The following GREB1 variants were observed in gnomAD, a reference collection of about 807,000 sequenced individuals.
The protein encoded by GREB1 is growth regulating estrogen receptor binding 1, also known as protein GREB1.
A neutral mutation model predicts 200.7 loss-of-function variants in GREB1; 106 were observed. The ratio of observed to expected loss-of-function variants is 0.53; its 90% CI spans 0.45 to 0.62. GREB1 has a LOEUF of 0.62. Ranked by LOEUF, GREB1 falls within the 20% of genes least tolerant of loss-of-function variation. GREB1 has a pLI of 0.00. For missense variants in GREB1, 2,243 were observed against 2,556.8 expected (o/e 0.88, Z 2.65); for synonymous variants, 1,132 against 1,092.4 (o/e 1.04, Z -0.72).
intron 8 of GREB1, 119 bp from the exon 9 acceptor site, chr2:11,585,643 C>T (rs1680004416): frequency 3.8e-6 from 4 of 1,055,424 alleles, no homozygotes; most frequent in Non-Finnish European, 2.8e-6. Flanking sequence ...GAGTTTGGTG[C>T]TCCTGTAATC....
chr2:11,625,370 G>A (rs2148394513), intron 24 of GREB1, 58 bp downstream of exon 24: 1 of 1,526,998 alleles, frequency 6.5e-7, no homozygotes, highest in South Asian at 1.1e-5. Context: ...GCCTCTTAAA[G>A]GGATGAGCTG....
rs896510029 is a variant in GREB1, at chr2:11,629,580, A to G, written c.4450-368A>G. 1.3e-5 allele frequency among the ~76,000 whole-genome samples: 2 copies of G among 152,230 alleles called. No individual in the cohort carries two copies. Among genetic ancestry groups the G allele is most frequent in the South Asian group, 4.1e-4 (2 of 4,836 alleles). ...GCATGTAACTGTGATGGAGAAATACATTTATTAGAATTAAAAATGAGCTCT... is the reference window on the plus strand; with the variant it reads ...GCATGTAACTGTGATGGAGAAATACGTTTATTAGAATTAAAAATGAGCTCT... On this transcript the variant is annotated intron_variant, in intron 25 of 32. Transcript: ENST00000381486. The surrounding 1 kb of genome is among the most constrained non-coding windows in gnomAD (Gnocchi z 5.2).
rs928350123 is a variant in GREB1 at position 11,603,161 on chromosome 2, A to G, written c.2666+619A>G. ...ACCCTGTCGCAACAGACCTCATTTT[A>G]TAGATGAAATTGAGGCTCAGACAGG... On this transcript the variant is annotated intron_variant, in intron 17 of 32. Transcript: ENST00000381486. 1.2e-4 allele frequency among the ~76,000 whole-genome samples: 19 copies of G among 152,342 alleles called. No homozygotes were observed. The East Asian group carries it at 1.3e-3, about 11-fold the overall frequency.
chr2:11,592,480 T>C (rs1014048966), intron 10 of GREB1, among the ~76,000 whole-genome samples: 1 of 152,162 alleles, frequency 6.6e-6, no homozygotes, highest in Non-Finnish European at 1.5e-5. Flanking sequence ...ACTATGTTTC[T>C]GGATTGTCAA....
intron 1 of GREB1, among the ~76,000 whole-genome samples, chr2:11,504,083 C>T (rs1673116195): frequency 6.6e-6 from 1 of 152,148 alleles, no homozygotes; most frequent in Non-Finnish European, 1.5e-5. Context: ...TGGTTTCTCT[C>T]CTTCTGTCTC....
intron 1 of GREB1, among the ~76,000 whole-genome samples, chr2:11,495,113 C>G (rs1309800162): frequency 6.6e-6 from 1 of 152,182 alleles, no homozygotes; most frequent in Non-Finnish European, 1.5e-5. Flanking sequence ...CCTGTTACAT[C>G]GTCTGCTTAT....
intron 21 of GREB1, among the ~76,000 whole-genome samples, chr2:11,617,697 G>A (rs1683543345): frequency 6.6e-6 from 1 of 152,310 alleles, no homozygotes; most frequent in East Asian, 1.9e-4. Flanking sequence ...GGGGACGGGT[G>A]TGTGCGGTGG....
chr2:11,521,448 GGAT>G (rs1673701630), intron 1 of GREB1, among the ~76,000 whole-genome samples: 1 of 152,050 alleles, frequency 6.6e-6, no homozygotes, highest in South Asian at 2.1e-4. Context: ...TGATATTCAA[GGAT>G]ATTAAAAAAA....
chr2:11,630,877 C>G (rs184983292), intron 26 of GREB1, among the ~76,000 whole-genome samples: 2 of 152,320 alleles, frequency 1.3e-5, no homozygotes, highest in South Asian at 2.1e-4. Flanking sequence ...TAACCAGCCC[C>G]GCTCAAGGCA....
rs377181735 is a variant in GREB1, at chr2:11,587,694, AACACACACAC to A, written c.1160-1013_1160-1004del. 3.5e-3 allele frequency: 2,506 copies of A among 706,256 alleles called. 8 individuals are homozygous for A. Among genetic ancestry groups the A allele is most frequent in the African/African-American group, 6.7e-3 (262 of 38,924 alleles). 43.7% of individuals were successfully genotyped at this position (706,256 alleles called of 1,614,324 possible). A position where few individuals can be genotyped will look rare whatever the true frequency, so the allele number is the denominator to read the frequency against. ...AAATGGAGTACCTGGAGTACAAGAT[AACACACACAC>A]ACACACACACACACACACACACACA... On this transcript the variant is annotated intron_variant, in intron 9 of 32. Transcript: ENST00000381486.
At chr2:11,626,003 G>A (rs1191085145) in intron 24 of GREB1, among the ~76,000 whole-genome samples, 6 of 152,178 alleles carry the variant, frequency 3.9e-5, no homozygotes, top group South Asian at 2.1e-4. Context: ...ATTGCATCTC[G>A]TGAAAATTAT....
intron 1 of GREB1, among the ~76,000 whole-genome samples, chr2:11,535,936 TG>T (rs1004741586): frequency 2.6e-5 from 4 of 152,014 alleles, no homozygotes; most frequent in Admixed American, 6.6e-5. Context: ...CCCTGTAAAA[TG>T]CAAACACTAC....
Position 11,617,014 on chromosome 2 carries a change from G to A in GREB1, c.3412+294G>A, listed in dbSNP as rs34592059. Among the ~76,000 whole-genome samples the A allele has an allele frequency of 0.13, 19,331 of 152,246 alleles. 1,500 individuals are homozygous for A. Among genetic ancestry groups the A allele is most frequent in the Middle Eastern group, 0.2 (59 of 294 alleles). ...TGGGGCCTCAGGCTGAGTCCTGGCC[G>A]TGTTAGGGGCGGGTCCCCGGGTGTT... On this transcript the variant is annotated intron_variant, in intron 21 of 32. Transcript: ENST00000381486.
chr2:11,486,845 G>A (rs1035896940), intron 1 of GREB1, among the ~76,000 whole-genome samples: 14 of 151,810 alleles, frequency 9.2e-5, no homozygotes, highest in African/African-American at 3.4e-4. Flanking sequence ...TCCAGCCTGG[G>A]CAACGAGATC....
At chr2:11,563,964 A>G (rs903173626) in intron 3 of GREB1, among the ~76,000 whole-genome samples, 1 of 151,946 alleles carries the variant, frequency 6.6e-6, no homozygotes, top group Non-Finnish European at 1.5e-5. Flanking sequence ...GCAGGTAGAG[A>G]GTTTTGGGAA....
At chr2:11,604,464 A>G (rs1558620349) in intron 17 of GREB1, among the ~76,000 whole-genome samples, 1 of 152,116 alleles carries the variant, frequency 6.6e-6, no homozygotes, top group Non-Finnish European at 1.5e-5. Context: ...CACCTCCACC[A>G]CTATTCACCA....
At chr2:11,498,648 A>G (rs1672950724) in intron 1 of GREB1, among the ~76,000 whole-genome samples, 1 of 152,142 alleles carries the variant, frequency 6.6e-6, no homozygotes, top group Non-Finnish European at 1.5e-5. Flanking sequence ...CTGAGTTCCT[A>G]TGCAGTTTTG....
Position 11,566,560 on chromosome 2 carries a change from G to A in GREB1, c.358G>A (p.Val120Met), listed in dbSNP as rs764711785. ...PMDVPAGFLL[V>M]GVKSPSLPDH... ...GGATGTCCCTGCGGGCTTTCTCCTCGTGGGGGTCAAGTCCCCCAGCCTGCC... is the reference window on the plus strand; with the variant it reads ...GGATGTCCCTGCGGGCTTTCTCCTCATGGGGGTCAAGTCCCCCAGCCTGCC... The change falls in exon 4 of 33, where the codon GTG (valine) becomes ATG (methionine). Residue 120 changes from valine (V) to methionine (M), a missense_variant. Around this residue, in one of 3 missense-constraint regions of GREB1, gnomAD observed 1,178 missense variants for 1,387.4 expected, o/e 0.85. Transcript: ENST00000381486. 2.0e-5 allele frequency: 33 copies of A among 1,613,854 alleles called. No homozygotes were observed. Among genetic ancestry groups the A allele is most frequent in the Non-Finnish European group, 1.7e-5 (20 of 1,179,972 alleles).
chr2:11,598,657 G>A (rs1253384052), intron 14 of GREB1, 23 bp from the exon 15 acceptor site: 12 of 1,610,654 alleles, frequency 7.5e-6, no homozygotes, highest in South Asian at 1.1e-5. Flanking sequence ...TGCAGTTACT[G>A]ATGTATGTTC....
Sources: gnomAD v4.1 joint callset for allele counts (sites outside exome capture counted in the v4.1 genomes callset) on GRCh38, gnomAD v4.1.1 for gene constraint, gnomAD v4.1.1 regional missense constraint, Gnocchi (gnomAD v3.1) non-coding constraint, MANE v1.5 for transcripts, NCBI Gene and HGNC (gene_info 2026-07-23, HGNC 2026-07-21) for gene names.